Variants in MIAT observed in about 807,000 individuals in gnomAD.
MIAT encodes MI related novel mRNA.
chr22:26,646,912 T>C (rs972117617), exon 1 of MIAT: 2 of 398,478 alleles, frequency 5.0e-6, no homozygotes, highest in Non-Finnish European at 8.8e-6. Flanking sequence ...CAGGAACAGA[T>C]GTTCAGAGCA....
exon 6 of MIAT, chr22:26,668,804 A>G (rs888034938): frequency 1.5e-5 from 6 of 398,992 alleles, no homozygotes; most frequent in Non-Finnish European, 2.2e-5. Context: ...AAGAGGAGAC[A>G]GTCAGGATCT....
downstream of MIAT, chr22:26,669,707 A>G (rs1930975802): frequency 2.5e-6 from 1 of 399,232 alleles, no homozygotes; most frequent in East Asian, 3.6e-5. Flanking sequence ...GCCCCCACCC[A>G]GGGATGGGGA....
downstream of MIAT, chr22:26,670,602 TAAAAAAAAA>T (rs34401113): frequency 0.017 from 5,402 of 310,646 alleles, 273 homozygotes; most frequent in African/African-American, 0.16. Flanking sequence ...CATTGCTCCT[TAAAAAAAAA>T]AAAAAAAAAA....
At chr22:26,658,657 G>A (rs1930546851) in intron 2 of MIAT, among the ~76,000 whole-genome samples, 1 of 152,174 alleles carries the variant, frequency 6.6e-6, no homozygotes, top group Non-Finnish European at 1.5e-5. Context: ...TGGGGGGCGC[G>A]CCCTGGATTC....
chr22:26,660,479 A>G (rs867105095), intron 2 of MIAT, among the ~76,000 whole-genome samples: 2,106 of 139,578 alleles, frequency 0.015, 24 homozygotes, highest in Middle Eastern at 0.046. Context: ...AAAAAAAAAA[A>G]AAGAAGAAGA....
exon 4 of MIAT, chr22:26,665,969 G>A: frequency 2.5e-6 from 1 of 398,624 alleles, no homozygotes; most frequent in East Asian, 3.6e-5. Context: ...TCTCTTCTCA[G>A]TTTCAGCACT....
chr22:26,661,878 T>G (rs1361030556), intron 2 of MIAT, among the ~76,000 whole-genome samples: 1 of 119,638 alleles, frequency 8.4e-6, no homozygotes, highest in Non-Finnish European at 1.9e-5. Context: ...CTTGGATCTT[T>G]TATCATTTAA....
intron 4 of MIAT, chr22:26,666,953 A>T (rs1930868499): frequency 1.4e-5 from 2 of 141,478 alleles, no homozygotes; most frequent in African/African-American, 2.6e-5. Flanking sequence ...CCTGAGAGGG[A>T]TGTGGGGAGG....
At chr22:26,651,257 A>G (rs1930331279) in intron 2 of MIAT, among the ~76,000 whole-genome samples, 1 of 152,234 alleles carries the variant, frequency 6.6e-6, no homozygotes, top group Non-Finnish European at 1.5e-5. Flanking sequence ...GAGATTTTCT[A>G]TCTGGGTAAA....
At chr22:26,676,040 T>G in exon 5 of MIAT, 1 of 398,660 alleles carries the variant, frequency 2.5e-6, no homozygotes, top group Non-Finnish European at 4.4e-6. Flanking sequence ...TGGAGTCTAC[T>G]GAACATCAAG....
At chr22:26,669,655 G>A (rs774622257) in exon 6 of MIAT, 78 of 398,664 alleles carry the variant, frequency 2.0e-4, no homozygotes, top group Middle Eastern at 1.2e-3. Context: ...GGTGGTCACC[G>A]CAAACATGGA....
intron 2 of MIAT, among the ~76,000 whole-genome samples, chr22:26,649,115 A>G (rs1930291735): frequency 6.6e-6 from 1 of 152,190 alleles, no homozygotes; most frequent in Admixed American, 6.5e-5. Context: ...GAGCAATGTG[A>G]CAGGGCCATG....
intron 2 of MIAT, among the ~76,000 whole-genome samples, chr22:26,648,341 G>C (rs1198581096): frequency 6.6e-6 from 1 of 152,166 alleles, no homozygotes; most frequent in East Asian, 1.9e-4. Context: ...AGCAGGGATG[G>C]AGACACGGCC....
intron 2 of MIAT, among the ~76,000 whole-genome samples, chr22:26,655,143 C>T (rs1475771678): frequency 6.6e-6 from 1 of 152,188 alleles, no homozygotes; most frequent in African/African-American, 2.4e-5. Context: ...GTCTTACCAC[C>T]CTGGCAGGAC....
intron 2 of MIAT, among the ~76,000 whole-genome samples, chr22:26,659,343 A>G (rs1351941422): frequency 2.0e-5 from 3 of 152,094 alleles, no homozygotes; most frequent in African/African-American, 7.2e-5. Flanking sequence ...TTTTATGTAA[A>G]CACCTTCCAT....
intron 2 of MIAT, chr22:26,647,343 T>C (rs945035459): frequency 1.0e-4 from 31 of 303,344 alleles, no homozygotes; most frequent in African/African-American, 8.2e-4. Context: ...CCTCACGGGT[T>C]AGTTGTGGGG....
At chr22:26,654,409 T>C (rs1382191826) in intron 2 of MIAT, among the ~76,000 whole-genome samples, 4 of 152,198 alleles carry the variant, frequency 2.6e-5, no homozygotes, top group African/African-American at 9.6e-5. Flanking sequence ...TCAGGAGAAT[T>C]TGGGAATGGA....
exon 6 of MIAT, chr22:26,668,639 G>T (rs1169454146): frequency 2.0e-5 from 8 of 399,214 alleles, no homozygotes; most frequent in Non-Finnish European, 3.1e-5. Context: ...AAGGATGGGA[G>T]TCGGGGAGGG....
intron 2 of MIAT, among the ~76,000 whole-genome samples, chr22:26,650,940 C>T (rs1371649678): frequency 2.0e-5 from 3 of 152,094 alleles, no homozygotes; most frequent in African/African-American, 7.2e-5. Context: ...CTTTCCTTAC[C>T]AGTTGGAGAT....
Sources: gnomAD v4.1 joint callset for allele counts (sites outside exome capture counted in the v4.1 genomes callset) on GRCh38, gnomAD v4.1.1 for gene constraint, MANE v1.5 for transcripts, NCBI Gene and HGNC (gene_info 2026-07-23, HGNC 2026-07-21) for gene names.